NMBR: variants seen among roughly 807,000 people sequenced by gnomAD.
The protein encoded by NMBR is neuromedin-B receptor.
A neutral mutation model predicts 20.5 loss-of-function variants in NMBR; 16 were observed. The observed-to-expected ratio is 0.78, with a 90% CI of 0.53 to 1.19. The LOEUF (loss-of-function observed/expected upper bound fraction) is 1.19. Ranked by LOEUF, NMBR falls within the 50% of genes most tolerant of loss-of-function variation. The pLI is 0.00. For synonymous variants in NMBR, 212 were observed against 196.6 expected (o/e 1.08, Z -0.65); for missense variants, 582 against 499.1 (o/e 1.17, Z -1.58).
intron 3 of NMBR, among the ~76,000 whole-genome samples, chr6:142,076,365 G>A (rs200716744): frequency 6.6e-6 from 1 of 151,850 alleles, no homozygotes; most frequent in East Asian, 1.9e-4. Context: ...ATAAATATAA[G>A]TCATTTCTGT....
At chr6:142,095,483 T>C (rs1777432050) in intron 1 of NMBR, among the ~76,000 whole-genome samples, 1 of 152,218 alleles carries the variant, frequency 6.6e-6, no homozygotes, top group Non-Finnish European at 1.5e-5. Flanking sequence ...TGAACCAGCC[T>C]TGCATCCCAG....
At chr6:142,137,946 A>G (rs1164175237) in intron 1 of NMBR, among the ~76,000 whole-genome samples, 1 of 151,954 alleles carries the variant, frequency 6.6e-6, no homozygotes, top group Non-Finnish European at 1.5e-5. Flanking sequence ...GCTATGGATT[A>G]TATTGCGCAT....
At chr6:142,096,430 T>G (rs538782246) in intron 1 of NMBR, among the ~76,000 whole-genome samples, 1 of 151,892 alleles carries the variant, frequency 6.6e-6, no homozygotes, top group East Asian at 1.9e-4. Context: ...CATTCAGGAG[T>G]AGGTTGTTCA....
intron 1 of NMBR, among the ~76,000 whole-genome samples, chr6:142,114,399 A>T (rs1340144020): frequency 2.0e-5 from 3 of 151,838 alleles, no homozygotes; most frequent in Admixed American, 6.6e-5. Flanking sequence ...GAAATAGAAA[A>T]TTTTTTCAGT....
In NMBR at chr6:142,128,168, C is replaced by G. The variant is rs190503138; in HGVS notation, c.-664+18876G>C. Among the ~76,000 whole-genome samples, 375 of 152,156 alleles carry G rather than the reference C, an allele frequency of 2.5e-3. 2 individuals are homozygous for G. Among genetic ancestry groups the G allele is most frequent in the African/African-American group, 8.7e-3 (360 of 41,532 alleles). On this transcript the variant is annotated intron_variant, in intron 1 of 3. Coordinates refer to ENST00000258042, the MANE Select transcript of NMBR (RefSeq NM_002511.4). ...TAGCAGCTCCCCACGCTTTCTCTCTCTCTTCCTCCTACTCTGGCTGTACAA... is the reference window on the plus strand; with the variant it reads ...TAGCAGCTCCCCACGCTTTCTCTCTGTCTTCCTCCTACTCTGGCTGTACAA...
intron 1 of NMBR, among the ~76,000 whole-genome samples, chr6:142,113,247 CTATTTTATAGCCTAAAGTCA>C (rs1428563852): frequency 1.3e-5 from 2 of 151,934 alleles, no homozygotes; most frequent in African/African-American, 2.4e-5. Context: ...AATAGACAAG[CTATTTTATAGCCTAAAGTCA>C]TATTTATTTT....
In NMBR at chr6:142,101,597, C is replaced by A. The variant is rs371070181; in HGVS notation, c.-663-12276G>T. ...AACAAAACTTGGTTTGTTCTAGGAT[C>A]GATCTTTTTCTTTAAGGTCTTAGTT... On this transcript the variant is annotated intron_variant, in intron 1 of 3. Coordinates refer to ENST00000258042, the MANE Select transcript of NMBR (RefSeq NM_002511.4). 3.4e-4 allele frequency among the ~76,000 whole-genome samples: 51 copies of A among 152,164 alleles called. 1 individual carries two copies. The South Asian group carries it at 0.01, about 31-fold the overall frequency.
intron 2 of NMBR, among the ~76,000 whole-genome samples, chr6:142,079,207 G>A (rs1777042914): frequency 6.6e-6 from 1 of 151,550 alleles, no homozygotes; most frequent in African/African-American, 2.4e-5. Context: ...GGGAAGGAAG[G>A]AAGGAAGGAA....
chr6:142,102,804 C>A (rs1056070607), intron 1 of NMBR, among the ~76,000 whole-genome samples: 1 of 152,200 alleles, frequency 6.6e-6, no homozygotes, highest in African/African-American at 2.4e-5. Flanking sequence ...GTGTATAAGG[C>A]TGGCTGCAAA....
At chr6:142,125,411 T>C (rs1034935663) in intron 1 of NMBR, among the ~76,000 whole-genome samples, 2 of 69,688 alleles carry the variant, frequency 2.9e-5, no homozygotes, top group Non-Finnish European at 7.4e-5. Context: ...ATCAGCAGCA[T>C]ACATTTCAAC....
At chr6:142,099,911 T>A (rs946978496) in intron 1 of NMBR, among the ~76,000 whole-genome samples, 1 of 152,148 alleles carries the variant, frequency 6.6e-6, no homozygotes, top group Admixed American at 6.6e-5. Flanking sequence ...CAAAACACCT[T>A]AATAGACATC....
intron 1 of NMBR, among the ~76,000 whole-genome samples, chr6:142,145,654 G>A (rs1346795379): frequency 6.6e-6 from 1 of 152,208 alleles, no homozygotes; most frequent in African/African-American, 2.4e-5. Flanking sequence ...ATTCATATCT[G>A]GTGGTGGCCT....
intron 2 of NMBR, among the ~76,000 whole-genome samples, chr6:142,080,182 CA>C (rs1432736189): frequency 4.6e-5 from 7 of 151,640 alleles, no homozygotes; most frequent in Non-Finnish European, 1.0e-4. Context: ...TACTTTCCAT[CA>C]TTTTTTTTCT....
chr6:142,075,650 A>T lies in NMBR; in HGVS notation c.1171T>A (p.Ter391ArgextTer59). The change falls in exon 4 of 4, where the codon TGA becomes AGA. Residue 391 changes from the stop codon to arginine (R), a stop_lost. Transcript: ENST00000258042. The part of the protein sequence containing the change: ...GHSMKQEMAL[*>R] ...GGTAGTGAGTTGAATGGCCAAAATC[A>T]CAGTGCCATTTCCTGCTTCATGCTG... is the stretch of plus-strand genomic sequence containing the variant. The T allele has an allele frequency of 6.2e-7, 1 of 1,602,374 alleles. No homozygotes were observed. Among genetic ancestry groups the T allele is most frequent in the Admixed American group, 1.7e-5 (1 of 58,924 alleles).
Position 142,078,916 on chromosome 6 carries a change from T to C in NMBR, c.423-13A>G. On this transcript the variant is annotated splice_polypyrimidine_tract_variant and intron_variant, in intron 2 of 3. Coordinates refer to ENST00000258042, the MANE Select transcript of NMBR (RefSeq NM_002511.4). The stretch of plus-strand genomic sequence containing the variant: ...GATGGCTCTGTACCTGGGAAAATGA[T>C]ACATCTCAAGTTATTCCAGAAAGAA... The C allele has an allele frequency of 1.3e-6, 2 of 1,486,102 alleles. No individual in the cohort carries two copies. The highest frequency in any genetic ancestry group is 2.0e-5 in the Admixed American group (1 of 49,758). 92.1% of individuals were successfully genotyped at this position (1,486,102 alleles called of 1,614,324 possible).
At chr6:142,104,680 A>C (rs1361610301) in intron 1 of NMBR, among the ~76,000 whole-genome samples, 3 of 152,236 alleles carry the variant, frequency 2.0e-5, no homozygotes, top group Non-Finnish European at 4.4e-5. Context: ...TAAGGAAAAG[A>C]CTTAAGACAG....
At chr6:142,090,285 T>C (rs902143551) in intron 1 of NMBR, among the ~76,000 whole-genome samples, 2 of 152,118 alleles carry the variant, frequency 1.3e-5, no homozygotes, top group African/African-American at 2.4e-5. Context: ...ACAATGTAAC[T>C]AGCCAAGGAC....
chr6:142,133,662 T>C (rs1438487529), intron 1 of NMBR, among the ~76,000 whole-genome samples: 5 of 152,158 alleles, frequency 3.3e-5, no homozygotes, highest in Non-Finnish European at 7.4e-5. Context: ...AACTATTGCT[T>C]TTCATATTTT....
chr6:142,121,228 C>T (rs188180023), intron 1 of NMBR, among the ~76,000 whole-genome samples: 238 of 151,996 alleles, frequency 1.6e-3, no homozygotes, highest in Non-Finnish European at 1.8e-3. Context: ...TGTTTCCCCA[C>T]GTCTCTACAT....
Sources: gnomAD v4.1 joint callset for allele counts (sites outside exome capture counted in the v4.1 genomes callset) on GRCh38, gnomAD v4.1.1 for gene constraint, MANE v1.5 for transcripts, NCBI Gene and HGNC (gene_info 2026-07-23, HGNC 2026-07-21) for gene names.